The following SEMA3A variants were observed in gnomAD, a reference collection of about 807,000 sequenced individuals.
SEMA3A encodes semaphorin 3A.
In SEMA3A, 29 loss-of-function variants were observed where a neutral mutation model predicts 97.9. The ratio of observed to expected loss-of-function variants is 0.30; its 90% confidence interval spans 0.22 to 0.40. The LOEUF (loss-of-function observed/expected upper bound fraction) is 0.40, where lower values mean the gene tolerates loss of function less well. SEMA3A is among the 10% of genes least tolerant of loss of function. The probability of loss-of-function intolerance (pLI) is 1.00; values close to 1 mark genes in which losing one functional copy is unlikely to be tolerated. For missense variants in SEMA3A, 763 were observed against 951.3 expected (o/e 0.80, Z 2.60); for synonymous variants, 321 against 323.7 (o/e 0.99, Z 0.09).
chr7:84,410,699 G>T (rs1371457211), intron 1 of SEMA3A, among the ~76,000 whole-genome samples: 1 of 152,034 alleles, frequency 6.6e-6, no homozygotes, highest in African/African-American at 2.4e-5. Context: ...ATAAAGAAAA[G>T]AAAAATGCAG....
chr7:84,001,924 T>G, intron 12 of SEMA3A, 31 bp downstream of exon 12: 1 of 1,489,834 alleles, frequency 6.7e-7, no homozygotes, highest in Admixed American at 1.7e-5. Context: ...ACAACTGAAC[T>G]TGTTGACACT....
At chr7:84,091,720 A>G (rs1794609550) in intron 4 of SEMA3A, among the ~76,000 whole-genome samples, 1 of 152,206 alleles carries the variant, frequency 6.6e-6, no homozygotes, top group South Asian at 2.1e-4. Flanking sequence ...TCCAATTTTT[A>G]GAGACTATCT....
At chr7:84,166,696 C>T (rs1797219216) in intron 1 of SEMA3A, among the ~76,000 whole-genome samples, 1 of 151,278 alleles carries the variant, frequency 6.6e-6, no homozygotes, top group Non-Finnish European at 1.5e-5. Flanking sequence ...GATGGTGAAA[C>T]CCCGTCTCTA....
intron 1 of SEMA3A, among the ~76,000 whole-genome samples, chr7:84,138,093 C>T (rs1796198405): frequency 6.6e-6 from 1 of 152,040 alleles, no homozygotes; most frequent in Non-Finnish European, 1.5e-5. Context: ...CAAGCATTTC[C>T]TAGTAAGCAC....
intron 13 of SEMA3A, 80 bp from the exon 14 acceptor site, chr7:83,981,558 T>G: frequency 8.5e-7 from 1 of 1,174,930 alleles, no homozygotes; most frequent in African/African-American, 1.6e-5. Flanking sequence ...AGTTTATTTA[T>G]ATATAACTTC....
rs189262207 is a variant in SEMA3A at position 83,961,838 on chromosome 7, A to C, written c.1861-12T>G. 14 of 1,597,618 alleles carry C rather than the reference A, an allele frequency of 8.8e-6. No individual in the cohort carries two copies. The East Asian group carries it at 3.1e-4, about 36-fold the overall frequency. Reference sequence around the variant, plus strand: ...TCATCCACTCTGATCTAGCAGGTTAAAAAAAAGGCAGTGTAAAATATACAT... The same window carrying C: ...TCATCCACTCTGATCTAGCAGGTTACAAAAAAGGCAGTGTAAAATATACAT... On this transcript the variant is annotated splice_polypyrimidine_tract_variant and intron_variant, in intron 16 of 16. Transcript: ENST00000265362.
chr7:84,043,684 C>A (rs1247749684), intron 6 of SEMA3A, among the ~76,000 whole-genome samples: 1 of 152,056 alleles, frequency 6.6e-6, no homozygotes, highest in African/African-American at 2.4e-5. Context: ...TTCAGAGTCC[C>A]TTGGTTCTAT....
At chr7:84,177,609 C>T (rs913203636) in intron 1 of SEMA3A, among the ~76,000 whole-genome samples, 1 of 151,716 alleles carries the variant, frequency 6.6e-6, no homozygotes, top group Non-Finnish European at 1.5e-5. Flanking sequence ...AGAAAAAAAC[C>T]CTAGTAATTT....
rs566020708 is a variant in SEMA3A, at chr7:84,358,783, T to C, written c.-169+13041A>G. On this transcript the variant is annotated intron_variant, in intron 2 of 3. Transcript: ENST00000424555. ...CCTATCCATGAGCATGGAATGTTCT[T>C]CCATTTGTTTGTATCCTCTTTTATT... 2.0e-5 allele frequency among the ~76,000 whole-genome samples: 3 copies of C among 152,306 alleles called. No homozygotes were observed. In the East Asian group the frequency reaches 5.8e-4, roughly 29 times the overall value.
At chr7:84,183,514 G>T (rs36075153) in intron 1 of SEMA3A, among the ~76,000 whole-genome samples, 9,595 of 150,564 alleles carry the variant, frequency 0.064, 348 homozygotes, top group African/African-American at 0.094. Flanking sequence ...CCTGTGAAAT[G>T]ACTTAGCAAG....
chr7:84,285,616 T>C (rs1230030630), intron 3 of SEMA3A, among the ~76,000 whole-genome samples: 4 of 152,162 alleles, frequency 2.6e-5, no homozygotes, highest in African/African-American at 9.7e-5. Flanking sequence ...ATGCTTTGTT[T>C]GTTTTACCTT....
chr7:84,331,797 C>T (rs1379215228), intron 2 of SEMA3A, among the ~76,000 whole-genome samples: 1 of 151,970 alleles, frequency 6.6e-6, no homozygotes, highest in Non-Finnish European at 1.5e-5. Flanking sequence ...TGCGTGCATG[C>T]GTGCGTGCAT....
At chr7:84,438,364 G>T (rs1017573463) in intron 1 of SEMA3A, among the ~76,000 whole-genome samples, 3 of 152,018 alleles carry the variant, frequency 2.0e-5, no homozygotes, top group Non-Finnish European at 4.4e-5. Flanking sequence ...CATCAATTCA[G>T]TTAACTTTTC....
chr7:84,395,815 T>C (rs1477434001), intron 1 of SEMA3A, among the ~76,000 whole-genome samples: 1 of 152,150 alleles, frequency 6.6e-6, no homozygotes, highest in Non-Finnish European at 1.5e-5. Flanking sequence ...TGTGAGTCAA[T>C]TAAACCTCTT....
At chr7:84,405,157 G>T (rs552669898) in intron 1 of SEMA3A, among the ~76,000 whole-genome samples, 1 of 152,170 alleles carries the variant, frequency 6.6e-6, no homozygotes, top group African/African-American at 2.4e-5. Context: ...CCCATCTCAG[G>T]TGCAGAGACA....
chr7:84,209,271 T>G (rs1252667986), intron 3 of SEMA3A, among the ~76,000 whole-genome samples: 2 of 152,202 alleles, frequency 1.3e-5, no homozygotes, highest in African/African-American at 4.8e-5. Flanking sequence ...AACAAAACGA[T>G]TCTATCATTT....
rs752643408 is a variant in SEMA3A, at chr7:84,194,554, G to A, written c.33C>T (p.Phe11=). 1.9e-6 allele frequency: 3 copies of A among 1,613,056 alleles called. No homozygotes were observed. In the South Asian group the frequency reaches 3.3e-5, roughly 18 times the overall value. Residue 11 remains phenylalanine (F), a synonymous_variant, in exon 1 of 17, where the codon TTC becomes TTT. Transcript: ENST00000265362. The part of the protein sequence containing the change: MGWLTRIVCL[F]WGVLLTARAN... ...CTCTTGCTGTAAGTAATACTCCCCA[G>A]AAAAGACAGACAATCCTAGTTAACC...
At chr7:84,280,456 C>T (rs944896945) in intron 3 of SEMA3A, among the ~76,000 whole-genome samples, 2 of 152,022 alleles carry the variant, frequency 1.3e-5, no homozygotes, top group Non-Finnish European at 2.9e-5. Context: ...TGTAAGAAAT[C>T]CTTTGTTCCA....
chr7:84,157,694 T>G (rs1181415247), intron 1 of SEMA3A, among the ~76,000 whole-genome samples: 3 of 152,212 alleles, frequency 2.0e-5, no homozygotes, highest in Admixed American at 2.0e-4. Context: ...AAGTCATTGT[T>G]AACTCCATCC....
Sources: allele counts gnomAD v4.1 joint callset (sites outside exome capture counted in the v4.1 genomes callset), GRCh38; gene constraint gnomAD v4.1.1; transcripts MANE v1.5; gene names NCBI Gene and HGNC (gene_info 2026-07-23, HGNC 2026-07-21).